Variants in SLC67A2 observed in about 807,000 individuals in gnomAD.
SLC67A2 encodes solute carrier family 67 member 2.
At chr2:102,732,166 T>C in the SLC67A2 span, 3 of 745,344 alleles carry the variant, frequency 4.0e-6, no homozygotes, top group South Asian at 4.5e-5. Context: ...GCATTTGCTA[T>C]AGGGTAATAT....
chr2:102,718,253 C>T, the SLC67A2 span: 1 of 727,572 alleles, frequency 1.4e-6, no homozygotes, highest in Non-Finnish European at 2.3e-6. Flanking sequence ...GATCATCCTG[C>T]AGGCATGGCT....
chr2:102,722,696 G>C, the SLC67A2 span, among the ~76,000 whole-genome samples: 3 of 152,034 alleles, frequency 2.0e-5, no homozygotes, highest in Non-Finnish European at 2.9e-5. Flanking sequence ...GAAGGTAGAA[G>C]CTTCTTGAAA....
At chr2:102,723,082 A>G in the SLC67A2 span, among the ~76,000 whole-genome samples, 1 of 152,262 alleles carries the variant, frequency 6.6e-6, no homozygotes, top group African/African-American at 2.4e-5. Flanking sequence ...GGGAAATTCA[A>G]ATCAAAACCA....
At chr2:102,720,930 T>C in the SLC67A2 span, among the ~76,000 whole-genome samples, 1 of 152,216 alleles carries the variant, frequency 6.6e-6, no homozygotes, top group African/African-American at 2.4e-5. Context: ...TTCACTGCAC[T>C]GAATGGCCAA....
the SLC67A2 span, among the ~76,000 whole-genome samples, chr2:102,735,675 GCTTA>G: frequency 6.6e-6 from 1 of 152,150 alleles, no homozygotes; most frequent in South Asian, 2.1e-4. Flanking sequence ...ACCAACATCA[GCTTA>G]CTTGTAAGAC....
chr2:102,734,150 T>A, the SLC67A2 span, among the ~76,000 whole-genome samples: 3 of 152,174 alleles, frequency 2.0e-5, no homozygotes, highest in Non-Finnish European at 4.4e-5. Context: ...AATATCAACA[T>A]TTTTCAATAA....
the SLC67A2 span, among the ~76,000 whole-genome samples, chr2:102,735,130 TAGA>T: frequency 6.6e-6 from 1 of 152,098 alleles, no homozygotes; most frequent in Non-Finnish European, 1.5e-5. Flanking sequence ...GACTGAAAAG[TAGA>T]AGAAGCATCC....
At chr2:102,731,169 G>T in the SLC67A2 span, 5 of 861,896 alleles carry the variant, frequency 5.8e-6, no homozygotes, top group African/African-American at 6.9e-5. Context: ...AAACATTAGG[G>T]TAAGATACCT....
the SLC67A2 span, chr2:102,718,859 C>T: frequency 5.0e-6 from 8 of 1,614,048 alleles, no homozygotes; most frequent in South Asian, 7.7e-5. Context: ...CCCCAGCATG[C>T]TGCTGTAACT....
the SLC67A2 span, chr2:102,718,552 C>T: frequency 6.2e-7 from 1 of 1,612,778 alleles, no homozygotes; most frequent in Non-Finnish European, 8.5e-7. Context: ...CCTGGGCAAC[C>T]CCCGAGAGGA....
the SLC67A2 span, chr2:102,732,144 A>G: frequency 2.8e-6 from 2 of 719,180 alleles, no homozygotes; most frequent in Middle Eastern, 2.3e-4. Flanking sequence ...GTCGTCTAGA[A>G]AAAAAGGAAT....
the SLC67A2 span, among the ~76,000 whole-genome samples, chr2:102,732,996 C>T: frequency 6.6e-6 from 1 of 152,182 alleles, no homozygotes; most frequent in African/African-American, 2.4e-5. Flanking sequence ...CTTAAAGTTA[C>T]CAAGCTTCCG....
At chr2:102,715,992 A>C in the SLC67A2 span, 114 of 152,330 alleles carry the variant, frequency 7.5e-4, 1 homozygote, top group African/African-American at 2.6e-3. Context: ...CTGGAGCTTC[A>C]GTGTTCACAG....
At chr2:102,723,817 T>C in the SLC67A2 span, 1 of 1,614,178 alleles carries the variant, frequency 6.2e-7, no homozygotes, top group Non-Finnish European at 8.5e-7. Flanking sequence ...CCGGAGGCTG[T>C]GTTGAAGTGT....
the SLC67A2 span, among the ~76,000 whole-genome samples, chr2:102,732,822 C>A: frequency 6.6e-6 from 1 of 152,104 alleles, no homozygotes; most frequent in Non-Finnish European, 1.5e-5. Context: ...TAAAATAATA[C>A]CTGAGAAGAA....
chr2:102,715,420 T>G, the SLC67A2 span, among the ~76,000 whole-genome samples: 1 of 152,130 alleles, frequency 6.6e-6, no homozygotes, highest in Non-Finnish European at 1.5e-5. Context: ...TGATTCCAGC[T>G]CCTTCTGTTG....
At chr2:102,718,293 A>G in the SLC67A2 span, 1 of 1,176,092 alleles carries the variant, frequency 8.5e-7, no homozygotes, top group Non-Finnish European at 1.2e-6. Flanking sequence ...TGGAAGCCCA[A>G]CAGCTCACAC....
At chr2:102,718,630 G>A in the SLC67A2 span, 1 of 1,613,844 alleles carries the variant, frequency 6.2e-7, no homozygotes, top group Non-Finnish European at 8.5e-7. Context: ...CGCTGGCCTG[G>A]GCCCCGCCCA....
At chr2:102,724,775 C>G in the SLC67A2 span, among the ~76,000 whole-genome samples, 2 of 152,210 alleles carry the variant, frequency 1.3e-5, no homozygotes, top group African/African-American at 4.8e-5. Flanking sequence ...GTGCTGCCGC[C>G]GAGTGCTTCA....
Sources: allele counts gnomAD v4.1 joint callset (sites outside exome capture counted in the v4.1 genomes callset), GRCh38; gene constraint gnomAD v4.1.1; transcripts MANE v1.5; gene names NCBI Gene and HGNC (gene_info 2026-07-23, HGNC 2026-07-21).